The following DACH2 variants were observed in gnomAD, a reference collection of about 807,000 sequenced individuals.
The protein encoded by DACH2 is dachshund family transcription factor 2.
DACH2 carries 17 observed loss-of-function variants against 35.8 expected under a neutral mutation model. The observed-to-expected ratio is 0.48, with a 90% CI of 0.33 to 0.71. DACH2 has a LOEUF of 0.71. Among genes scored for constraint, DACH2 ranks in the 30% least tolerant of loss-of-function variants. DACH2 has a pLI of 0.02. For missense variants in DACH2, 469 were observed against 472.7 expected, an observed-to-expected ratio of 0.99 and a Z score of 0.07; for synonymous variants, 195 against 177.3, an observed-to-expected ratio of 1.10 and a Z score of -0.79.
chrX:86,246,098 C>A lies in DACH2; in HGVS notation c.488+96990C>A, dbSNP rs73514099. Among the ~76,000 whole-genome samples, 445 of 110,851 alleles carry A rather than the reference C, an allele frequency of 4.0e-3. 2 individuals are homozygous for A. The highest frequency in any genetic ancestry group is 0.014 in the African/African-American group (419 of 30,537). On this transcript the variant is annotated intron_variant, in intron 1 of 11. Coordinates refer to ENST00000373125, the MANE Select transcript of DACH2 (RefSeq NM_053281.3). ...GCTTGAAGACTGGTTCTTTGAACCA[C>A]CTCAATCAAATAAAAATAAAGAAAA...
chrX:86,213,732 C>T (rs1368346495), intron 1 of DACH2, among the ~76,000 whole-genome samples: 1 of 110,464 alleles, frequency 9.1e-6, no homozygotes, highest in Non-Finnish European at 1.9e-5. Flanking sequence ...ACTTAAATTA[C>T]CACCTCGTCA....
intron 7 of DACH2, among the ~76,000 whole-genome samples, chrX:86,750,390 G>T (rs2041760304): frequency 9.0e-6 from 1 of 111,728 alleles, no homozygotes; most frequent in African/African-American, 3.2e-5. Flanking sequence ...TCATTACATT[G>T]ATTTTTCTAA....
At chrX:86,231,193 A>G (rs1248897186) in intron 1 of DACH2, among the ~76,000 whole-genome samples, 1 of 111,881 alleles carries the variant, frequency 8.9e-6, no homozygotes, top group African/African-American at 3.3e-5. Flanking sequence ...CATTATTGTC[A>G]TTCAAACTGA....
intron 2 of DACH2, among the ~76,000 whole-genome samples, chrX:86,399,941 G>A (rs1028713296): frequency 9.0e-6 from 1 of 111,647 alleles, no homozygotes; most frequent in Non-Finnish European, 1.9e-5. Flanking sequence ...TTGCTAGATT[G>A]GGGAAGTTCT....
intron 2 of DACH2, among the ~76,000 whole-genome samples, chrX:86,402,870 A>T (rs1321221326): frequency 8.9e-6 from 1 of 112,045 alleles, no homozygotes; most frequent in Admixed American, 9.5e-5. Flanking sequence ...AAAACTAAGA[A>T]ATAAATCCAC....
intron 1 of DACH2, among the ~76,000 whole-genome samples, chrX:86,350,818 G>T (rs1248071638): frequency 6.8e-5 from 2 of 29,425 alleles, no homozygotes; most frequent in Admixed American, 6.3e-4. Context: ...GATGCCTCCA[G>T]CTTTGTTCTT....
intron 2 of DACH2, among the ~76,000 whole-genome samples, chrX:86,500,038 C>G (rs753418609): frequency 2.7e-5 from 3 of 111,623 alleles, no homozygotes; most frequent in African/African-American, 9.8e-5. Context: ...CTGGTTTTAT[C>G]ACATCATTGT....
At chrX:86,487,406 G>T (rs749111723) in intron 2 of DACH2, among the ~76,000 whole-genome samples, 31 of 111,918 alleles carry the variant, frequency 2.8e-4, no homozygotes, top group African/African-American at 8.7e-4. Context: ...TAGGCTTAAA[G>T]ATGAAATTAG....
intron 1 of DACH2, among the ~76,000 whole-genome samples, chrX:86,284,656 G>A (rs1335204138): frequency 2.7e-5 from 3 of 110,498 alleles, no homozygotes; most frequent in African/African-American, 9.9e-5. Flanking sequence ...CTATTTTTCA[G>A]AATTGTTTGA....
chrX:86,578,377 C>A (rs1249399042), intron 3 of DACH2, among the ~76,000 whole-genome samples: 1 of 110,292 alleles, frequency 9.1e-6, no homozygotes, highest in Non-Finnish European at 1.9e-5. Flanking sequence ...GTTAGCATCT[C>A]AACATTACTA....
At chrX:86,338,153 T>A (rs1343846837) in intron 1 of DACH2, among the ~76,000 whole-genome samples, 4 of 111,441 alleles carry the variant, frequency 3.6e-5, no homozygotes, top group Non-Finnish European at 7.5e-5. Context: ...ATTAGACAGA[T>A]CAACAAGACA....
chrX:86,244,486 C>A (rs1490835530), intron 1 of DACH2, among the ~76,000 whole-genome samples: 1 of 111,900 alleles, frequency 8.9e-6, no homozygotes, highest in Non-Finnish European at 1.9e-5. Context: ...TGTTGGCATG[C>A]ACCTCTAGTT....
chrX:86,478,542 CTT>C (rs767463672), intron 2 of DACH2, among the ~76,000 whole-genome samples: 87 of 86,883 alleles, frequency 1.0e-3, no homozygotes, highest in African/African-American at 3.4e-3. Context: ...TTTTGTTTTT[CTT>C]TTTTTTTTTT....
At chrX:86,521,030 G>A in intron 3 of DACH2, among the ~76,000 whole-genome samples, 1 of 111,534 alleles carries the variant, frequency 9.0e-6, no homozygotes. Flanking sequence ...TTTTATATTA[G>A]CTGGCAGTGG....
intron 1 of DACH2, among the ~76,000 whole-genome samples, chrX:86,264,705 G>A (rs976335884): frequency 9.0e-6 from 1 of 111,385 alleles, no homozygotes. Context: ...TGTGTGAAAA[G>A]GCAAAATCTT....
intron 3 of DACH2, among the ~76,000 whole-genome samples, chrX:86,574,416 C>T (rs1264132339): frequency 9.0e-6 from 1 of 111,440 alleles, no homozygotes; most frequent in Non-Finnish European, 1.9e-5. Context: ...ATTATTATTA[C>T]TCTGACCCAT....
At chrX:86,289,385 C>T (rs1056605384) in intron 1 of DACH2, among the ~76,000 whole-genome samples, 2 of 105,211 alleles carry the variant, frequency 1.9e-5, no homozygotes, top group East Asian at 3.0e-4. Context: ...TTAGCTGCCT[C>T]GGTTGGTGTC....
chrX:86,272,150 G>A (rs140984327), intron 1 of DACH2, among the ~76,000 whole-genome samples: 1,642 of 110,161 alleles, frequency 0.015, 38 homozygotes, highest in African/African-American at 0.052. Flanking sequence ...ATGTTGCTGC[G>A]AAACATATGA....
intron 1 of DACH2, chrX:86,184,433 T>G (rs2031618860): frequency 8.7e-6 from 1 of 115,142 alleles, no homozygotes; most frequent in African/African-American, 3.3e-5. Flanking sequence ...GGTCTTGAAC[T>G]GTTGGCCTCA....
Sources: allele counts gnomAD v4.1 joint callset (sites outside exome capture counted in the v4.1 genomes callset), GRCh38; gene constraint gnomAD v4.1.1; transcripts MANE v1.5; gene names NCBI Gene and HGNC (gene_info 2026-07-23, HGNC 2026-07-21).